Variants in MYOM3 observed in about 807,000 individuals in gnomAD.
MYOM3 encodes myomesin 3.
In MYOM3, 155 loss-of-function variants were observed where a neutral mutation model predicts 191.7. The ratio of observed to expected loss-of-function variants is 0.81; its 90% CI spans 0.71 to 0.92. The LOEUF (loss-of-function observed/expected upper bound fraction) is 0.92, where lower values mean the gene tolerates loss of function less well. MYOM3 is among the 40% of genes least tolerant of loss of function. The probability of loss-of-function intolerance (pLI) is 0.00; values close to 1 mark genes in which losing one functional copy is unlikely to be tolerated. For missense variants in MYOM3, 1,889 were observed against 1,890.6 expected, an observed-to-expected ratio of 1.00 and a Z score of 0.02; for synonymous variants, 757 against 762.9, an observed-to-expected ratio of 0.99 and a Z score of 0.13.
chr1:24,090,793 C>T lies in MYOM3; in HGVS notation c.1432+4G>A, dbSNP rs758729089. 5 of 1,613,854 alleles carry T rather than the reference C, an allele frequency of 3.1e-6. No homozygotes were observed. In the African/African-American group the frequency reaches 4.0e-5, roughly 13 times the overall value. ...AGAAAGTCGCTTAGGACCTCTGTAC[C>T]CACCTGTCTTCCTCCGGGCTGCATC... On this transcript the variant is annotated splice_donor_region_variant and intron_variant, in intron 12 of 36. Transcript: ENST00000374434.
intron 28 of MYOM3, chr1:24,066,720 C>G: frequency 2.3e-6 from 1 of 434,036 alleles, no homozygotes; most frequent in Non-Finnish European, 4.1e-6. Flanking sequence ...GGATACCCCT[C>G]AACATATAAA....
At chr1:24,089,416 G>A in intron 14 of MYOM3, 122 bp downstream of exon 14, 2 of 1,311,114 alleles carry the variant, frequency 1.5e-6, no homozygotes, top group Non-Finnish European at 1.0e-6. Context: ...CCATGCCTGG[G>A]CCCTTCTGGC....
intron 27 of MYOM3, 156 bp from the exon 28 acceptor site, chr1:24,067,244 G>A (rs1643448483): frequency 4.0e-6 from 2 of 496,900 alleles, no homozygotes; most frequent in African/African-American, 2.0e-5. Context: ...AGGCAGGGGC[G>A]GTGCTCAGAG....
intron 26 of MYOM3, 46 bp from the exon 27 acceptor site, chr1:24,068,075 G>C (rs1228952613): frequency 6.2e-7 from 1 of 1,605,424 alleles, no homozygotes; most frequent in South Asian, 1.1e-5. Context: ...GAGGAGTGTG[G>C]GTCTGGAGAG....
At position 24,087,642 on chromosome 1, in the gene MYOM3, C is replaced by T. The variant is rs951894319; in HGVS notation, c.1615-815G>A. ...TTTAATAAAAATCCACCTTCCTGGG[C>T]AGTGGGGAGGCCATCCCAGCCACTC... On this transcript the variant is annotated intron_variant, in intron 14 of 36. Coordinates refer to ENST00000374434, the MANE Select transcript of MYOM3 (RefSeq NM_152372.4). This position sits in a 1 kb window ranked among gnomAD's most constrained non-coding sequence, Gnocchi z 4.5. 6.6e-6 allele frequency among the ~76,000 whole-genome samples: 1 copy of T among 152,258 alleles called. No individual in the cohort carries two copies. The highest frequency in any genetic ancestry group is 2.4e-5 in the African/African-American group (1 of 41,556).
rs750439177 is a variant in MYOM3 at position 24,080,149 on chromosome 1, A to AG, written c.2452dup (p.Leu818ProfsTer29). 6.2e-7 allele frequency: 1 copy of AG among 1,613,832 alleles called. No homozygotes were observed. Among genetic ancestry groups the AG allele is most frequent in the Non-Finnish European group, 8.5e-7 (1 of 1,179,816 alleles). ...CAGTGGGGGTTCCCACTGCAGCACC[A>AG]GGGATGTGGCCCGCACCTCGGATGC... On this transcript the variant is annotated frameshift_variant, in exon 20 of 37. Transcript: ENST00000374434. LOFTEE classifies it high-confidence loss of function.
intron 21 of MYOM3, 28 bp from the exon 22 acceptor site, chr1:24,075,503 C>G: frequency 2.0e-6 from 3 of 1,533,500 alleles, no homozygotes; most frequent in Non-Finnish European, 1.7e-6. Flanking sequence ...CAGAGGGCAG[C>G]GGATGTTTAT....
chr1:24,108,339 G>A, intron 2 of MYOM3, 137 bp downstream of exon 2: 2 of 992,480 alleles, frequency 2.0e-6, no homozygotes, highest in Non-Finnish European at 2.8e-6. Context: ...TCCCCCCTCA[G>A]ACAGGGGGTT....
At chr1:24,110,367 T>A (rs1644028403) in intron 1 of MYOM3, among the ~76,000 whole-genome samples, 4 of 151,914 alleles carry the variant, frequency 2.6e-5, no homozygotes, top group Admixed American at 2.6e-4. Context: ...TGCATGTGTG[T>A]GTATGTGTGT....
intron 20 of MYOM3, among the ~76,000 whole-genome samples, chr1:24,078,337 G>A (rs1238019826): frequency 6.6e-6 from 1 of 151,944 alleles, no homozygotes; most frequent in Non-Finnish European, 1.5e-5. Context: ...GGCTGGTCTC[G>A]AACTCCTGAC....
At chr1:24,074,126 G>C (rs754437022) in intron 23 of MYOM3, 34 bp downstream of exon 23, 1 of 1,532,370 alleles carries the variant, frequency 6.5e-7, no homozygotes, top group South Asian at 1.1e-5. Flanking sequence ...CTCTCTCTCT[G>C]GGGAGGTGGC....
At chr1:24,085,846 T>C (rs983219213) in intron 15 of MYOM3, among the ~76,000 whole-genome samples, 5 of 148,948 alleles carry the variant, frequency 3.4e-5, no homozygotes, top group South Asian at 2.2e-4. Context: ...TGTGTGTGTG[T>C]GCGCGTGTGT....
At chr1:24,070,699 A>G (rs914498440) in intron 25 of MYOM3, among the ~76,000 whole-genome samples, 1 of 152,186 alleles carries the variant, frequency 6.6e-6, no homozygotes, top group East Asian at 1.9e-4. Flanking sequence ...GTGAGTCCCC[A>G]TCTCTAATTA....
rs770828910 is a variant in MYOM3, at chr1:24,089,526, G to A, written c.1614+12C>T. The A allele has an allele frequency of 1.4e-5, 22 of 1,591,020 alleles. No individual in the cohort carries two copies. The highest frequency in any genetic ancestry group is 3.5e-4 in the Middle Eastern group (2 of 5,668). On this transcript the variant is annotated intron_variant, in intron 14 of 36. Coordinates refer to ENST00000374434, the MANE Select transcript of MYOM3 (RefSeq NM_152372.4). ...CAGGCTGGCCTGGGGCTGGGGCCTC[G>A]GGGTTCCCTACCTTCTCCAGGGAGT...
chr1:24,078,553 C>T (rs1643630001), intron 20 of MYOM3, among the ~76,000 whole-genome samples: 1 of 152,202 alleles, frequency 6.6e-6, no homozygotes, highest in African/African-American at 2.4e-5. Flanking sequence ...TGGGTGCTCC[C>T]TAATGAAATG....
chr1:24,085,304 G>GGATA (rs1433305799), intron 15 of MYOM3, among the ~76,000 whole-genome samples: 78 of 151,992 alleles, frequency 5.1e-4, no homozygotes, highest in African/African-American at 1.7e-3. Context: ...ATGGATGGAT[G>GGATA]GATGGATGGA....
rs530309828 is a variant in MYOM3 at position 24,085,553 on chromosome 1, C to T, written c.1799-914G>A. ...AGCTTCTGTTCCTTGACCTGCTCCA[C>T]TTTTTCTCCTCTCTTCTTATTCCTA... is the stretch of plus-strand genomic sequence containing the variant. On this transcript the variant is annotated intron_variant, in intron 15 of 36. Coordinates refer to ENST00000374434, the MANE Select transcript of MYOM3 (RefSeq NM_152372.4). Among the ~76,000 whole-genome samples the T allele has an allele frequency of 4.6e-5, 7 of 152,360 alleles. No individual in the cohort carries two copies. In the South Asian group the frequency reaches 1.5e-3, roughly 32 times the overall value.
chr1:24,092,900 T>C (rs1643856997), intron 10 of MYOM3, 47 bp downstream of exon 10: 3 of 1,443,090 alleles, frequency 2.1e-6, no homozygotes, highest in Non-Finnish European at 2.7e-6. Context: ...GGCAGAGCCC[T>C]GGTCTCTGGG....
intron 25 of MYOM3, 128 bp downstream of exon 25, chr1:24,070,989 G>T: frequency 8.1e-7 from 1 of 1,231,728 alleles, no homozygotes; most frequent in Non-Finnish European, 1.1e-6. Context: ...CACTGCAACA[G>T]CAAAAGCACA....
Sources: gnomAD v4.1 joint callset for allele counts (sites outside exome capture counted in the v4.1 genomes callset) on GRCh38, gnomAD v4.1.1 for gene constraint, Gnocchi (gnomAD v3.1) non-coding constraint, MANE v1.5 for transcripts, NCBI Gene and HGNC (gene_info 2026-07-23, HGNC 2026-07-21) for gene names.